Variants in LRRC4C observed in about 807,000 individuals in gnomAD.
LRRC4C encodes leucine rich repeat containing 4C.
Under a neutral mutation model 33.6 loss-of-function variants are expected in LRRC4C, and 5 were observed. The ratio of observed to expected loss-of-function variants is 0.15; its 90% confidence interval spans 0.08 to 0.31. The LOEUF is 0.31. Ranked by LOEUF, LRRC4C falls within the 10% of genes least tolerant of loss-of-function variation. LRRC4C has a pLI of 1.00. For synonymous variants in LRRC4C, 329 were observed against 302.0 expected, an observed-to-expected ratio of 1.09 and a Z score of -0.93; for missense variants, 560 against 796.7, an observed-to-expected ratio of 0.70 and a Z score of 3.58.
intron 1 of LRRC4C, among the ~76,000 whole-genome samples, chr11:41,261,234 C>A (rs774440970): frequency 6.6e-6 from 1 of 152,104 alleles, no homozygotes; most frequent in Non-Finnish European, 1.5e-5. Context: ...CAACAAGGCA[C>A]CACCTTTGAA....
intron 1 of LRRC4C, among the ~76,000 whole-genome samples, chr11:41,154,512 T>G (rs2135985151): frequency 6.6e-6 from 1 of 152,226 alleles, no homozygotes; most frequent in Non-Finnish European, 1.5e-5. Flanking sequence ...ACTCAGAAAA[T>G]ATTTGGTGAA....
intron 3 of LRRC4C, among the ~76,000 whole-genome samples, chr11:40,490,959 T>A (rs1954118634): frequency 6.6e-6 from 1 of 151,948 alleles, no homozygotes; most frequent in Non-Finnish European, 1.5e-5. Context: ...ATGGGAAAAA[T>A]TATGTGTGGA....
intron 3 of LRRC4C, among the ~76,000 whole-genome samples, chr11:40,593,240 T>C (rs963362110): frequency 6.6e-6 from 1 of 152,148 alleles, no homozygotes; most frequent in Non-Finnish European, 1.5e-5. Context: ...GAATAAAATG[T>C]CCATTCTTAA....
chr11:41,371,697 G>C (rs1161520830), intron 1 of LRRC4C, among the ~76,000 whole-genome samples: 1 of 152,296 alleles, frequency 6.6e-6, no homozygotes, highest in South Asian at 2.1e-4. Flanking sequence ...AAATATTTAT[G>C]GGGAAGAATA....
chr11:41,016,160 G>GAA (rs34322329), intron 1 of LRRC4C, among the ~76,000 whole-genome samples: 67 of 150,046 alleles, frequency 4.5e-4, no homozygotes, highest in South Asian at 4.2e-3. Context: ...TCTTAGTATA[G>GAA]AAAAAAAAAA....
intron 2 of LRRC4C, among the ~76,000 whole-genome samples, chr11:40,929,945 T>C (rs1957550260): frequency 2.0e-5 from 3 of 152,112 alleles, no homozygotes; most frequent in African/African-American, 4.8e-5. Context: ...AAAATTACAA[T>C]CAATATGAAG....
At chr11:41,241,119 T>C (rs1171255965) in intron 1 of LRRC4C, among the ~76,000 whole-genome samples, 2 of 152,128 alleles carry the variant, frequency 1.3e-5, no homozygotes. Context: ...ACCAACTACC[T>C]TATAGTGTTG....
intron 2 of LRRC4C, among the ~76,000 whole-genome samples, chr11:40,918,692 C>T (rs1480121169): frequency 6.6e-6 from 1 of 152,086 alleles, no homozygotes. Flanking sequence ...TTGAGCATGT[C>T]TTAAAAACTG....
chr11:40,429,765 A>T (rs55727891), intron 3 of LRRC4C, among the ~76,000 whole-genome samples: 87 of 152,284 alleles, frequency 5.7e-4, no homozygotes, highest in African/African-American at 2.0e-3. Context: ...AAGAAATGGG[A>T]TGCACCATAG....
chr11:40,466,278 G>A (rs7950823), intron 3 of LRRC4C, among the ~76,000 whole-genome samples: 5,337 of 152,036 alleles, frequency 0.035, 280 homozygotes, highest in African/African-American at 0.12. Flanking sequence ...GGAGAATGGG[G>A]GGAGAGTGAG....
chr11:40,934,268 A>C (rs1177207283), intron 1 of LRRC4C, among the ~76,000 whole-genome samples: 1 of 152,198 alleles, frequency 6.6e-6, no homozygotes, highest in African/African-American at 2.4e-5. Flanking sequence ...TAGCCAATCA[A>C]AACTAATCTC....
intron 4 of LRRC4C, among the ~76,000 whole-genome samples, chr11:40,263,537 G>T (rs1002809202): frequency 2.0e-5 from 3 of 151,674 alleles, no homozygotes; most frequent in African/African-American, 7.3e-5. Context: ...TTTTGGGGGC[G>T]GGGGATGGGA....
intron 3 of LRRC4C, among the ~76,000 whole-genome samples, chr11:40,641,061 T>G (rs1284579546): frequency 1.3e-5 from 2 of 149,250 alleles, no homozygotes; most frequent in African/African-American, 2.5e-5. Flanking sequence ...CCTAATAAAC[T>G]TGTGCATCTC....
At chr11:40,930,196 GA>G (rs992864750) in intron 2 of LRRC4C, among the ~76,000 whole-genome samples, 3 of 152,180 alleles carry the variant, frequency 2.0e-5, no homozygotes, top group Non-Finnish European at 2.9e-5. Flanking sequence ...TTCATGGCTA[GA>G]AGGTAGCCAA....
intron 1 of LRRC4C, among the ~76,000 whole-genome samples, chr11:41,136,209 T>C (rs1177668002): frequency 6.6e-6 from 1 of 152,170 alleles, no homozygotes; most frequent in African/African-American, 2.4e-5. Flanking sequence ...GGAAATAACA[T>C]GATTTCTGGT....
rs117786207 is a variant in LRRC4C at position 40,469,103 on chromosome 11, A to G, written c.-269-149382T>C. 5.4e-3 allele frequency among the ~76,000 whole-genome samples: 829 copies of G among 152,340 alleles called. 21 individuals are homozygous for G. Among genetic ancestry groups the G allele is most frequent in the Admixed American group, 0.034 (517 of 15,306 alleles). On this transcript the variant is annotated intron_variant, in intron 3 of 6. Transcript: ENST00000528697. ...AGGCCATAGGGCAAGATGGCTGAAT[A>G]GGAACAGCTCTGGTCTGCAGCTTCC...
At chr11:40,811,792 G>A (rs1423234522) in intron 2 of LRRC4C, among the ~76,000 whole-genome samples, 3 of 152,108 alleles carry the variant, frequency 2.0e-5, no homozygotes, top group East Asian at 3.9e-4. Flanking sequence ...CATCACACCC[G>A]GCCAAATGGC....
At chr11:40,836,116 A>G (rs1354824632) in intron 2 of LRRC4C, among the ~76,000 whole-genome samples, 1 of 152,204 alleles carries the variant, frequency 6.6e-6, no homozygotes, top group African/African-American at 2.4e-5. Context: ...AAAAATCCAG[A>G]GTCATATGAC....
In LRRC4C at chr11:40,901,012, T is replaced by G. The variant is rs939657060; in HGVS notation, c.-407+32623A>C. On this transcript the variant is annotated intron_variant, in intron 2 of 6. Transcript: ENST00000528697. ...TTTATGGAATTCCCTTATGAAACCA[T>G]CTGGGCCTGTTGCTTTGTATGAGGA... is the stretch of plus-strand genomic sequence containing the variant. Among the ~76,000 whole-genome samples, 30 of 152,224 alleles carry G rather than the reference T, an allele frequency of 2.0e-4. No individual in the cohort carries two copies. In the South Asian group the frequency reaches 4.8e-3, roughly 24 times the overall value.
Sources: gnomAD v4.1 joint callset for allele counts (sites outside exome capture counted in the v4.1 genomes callset) on GRCh38, gnomAD v4.1.1 for gene constraint, MANE v1.5 for transcripts, NCBI Gene and HGNC (gene_info 2026-07-23, HGNC 2026-07-21) for gene names.